Variants in MACF1 observed in about 807,000 individuals in gnomAD.
The protein encoded by MACF1 is microtubule actin crosslinking factor 1.
In MACF1, 193 loss-of-function variants were observed where a neutral mutation model predicts 854.8. The observed-to-expected ratio is 0.23, with a 90% CI of 0.20 to 0.25. The LOEUF is 0.25. MACF1 is among the 10% of genes least tolerant of loss of function. The pLI is 1.00. For missense variants in MACF1, 7,722 were observed against 8,929.1 expected, an observed-to-expected ratio of 0.86 and a Z score of 5.45; for synonymous variants, 3,185 against 3,226.7, an observed-to-expected ratio of 0.99 and a Z score of 0.44.
At chr1:39,462,116 C>G in intron 93 of MACF1, 79 bp downstream of exon 93, 22 of 1,363,456 alleles carry the variant, frequency 1.6e-5, no homozygotes, top group Non-Finnish European at 1.8e-5. Flanking sequence ...GTTCAGTGAT[C>G]ATATTAGCCT....
Position 39,430,698 on chromosome 1 carries a change from T to G in MACF1, c.17131-4T>G. On this transcript the variant is annotated splice_region_variant and splice_polypyrimidine_tract_variant and intron_variant, in intron 65 of 100. Transcript: ENST00000564288. ...ATGGCCTGAAAACTCTTTTCCCTCC[T>G]TAGGAATTAAAGAAGGAGGTCATGG... is the stretch of plus-strand genomic sequence containing the variant. The G allele has an allele frequency of 6.2e-7, 1 of 1,611,162 alleles. No individual in the cohort carries two copies. The highest frequency in any genetic ancestry group is 8.5e-7 in the Non-Finnish European group (1 of 1,179,246).
chr1:39,366,740 G>T (rs966227413), intron 49 of MACF1, among the ~76,000 whole-genome samples: 1 of 150,334 alleles, frequency 6.7e-6, no homozygotes, highest in Non-Finnish European at 1.5e-5. Context: ...TGTTATCCAG[G>T]CTGGAGTGCT....
intron 26 of MACF1, among the ~76,000 whole-genome samples, chr1:39,313,389 C>A (rs1646341797): frequency 6.6e-6 from 1 of 152,110 alleles, no homozygotes; most frequent in African/African-American, 2.4e-5. Flanking sequence ...TTTTAGCATC[C>A]ATTGTTAATT....
intron 84 of MACF1, among the ~76,000 whole-genome samples, 198 bp from the exon 85 acceptor site, chr1:39,450,854 G>A (rs1186356387): frequency 6.6e-6 from 1 of 151,452 alleles, no homozygotes; most frequent in Non-Finnish European, 1.5e-5. Flanking sequence ...CTCGTGATCT[G>A]CCCACCTCGG....
At chr1:39,259,784 G>A (rs1052541308) in intron 6 of MACF1, among the ~76,000 whole-genome samples, 12 of 151,352 alleles carry the variant, frequency 7.9e-5, no homozygotes, top group Non-Finnish European at 2.9e-5. Flanking sequence ...CACTACACCC[G>A]GCTAATTTTG....
At position 39,336,022 on chromosome 1, in the gene MACF1, A is replaced by G. The variant is rs1646804153; in HGVS notation, c.9434A>G (p.Asn3145Ser). 6.2e-7 allele frequency: 1 copy of G among 1,614,078 alleles called. No individual in the cohort carries two copies. Among genetic ancestry groups the G allele is most frequent in the Admixed American group, 1.7e-5 (1 of 60,002 alleles). ...SFQGTTRQET[N>S]YQDSWVTSKT... Reference sequence around the variant, plus strand: ...CAAGGAACCACCAGACAGGAGACCAACTATCAAGATTCCTGGGTTACTTCG... The same window carrying G: ...CAAGGAACCACCAGACAGGAGACCAGCTATCAAGATTCCTGGGTTACTTCG... The change falls in exon 37 of 101, where the codon AAC becomes AGC. Residue 3145 changes from asparagine (N) to serine (S), a missense_variant. By Grantham distance (46) the Asn-to-Ser change is conservative. This residue lies in a region of MACF1 where 854 missense variants were observed against 852.6 expected (regional missense o/e 1.00). Transcript: ENST00000564288.
Position 39,286,252 on chromosome 1 carries a change from G to C in MACF1, c.1508+494G>C, listed in dbSNP as rs369352662. Reference sequence around the variant, plus strand: ...TGATCTCAATCTCCTGGGTTCAAGCGATCCTCCTGCCTCAGCCTCCCAAAG... The same window carrying C: ...TGATCTCAATCTCCTGGGTTCAAGCCATCCTCCTGCCTCAGCCTCCCAAAG... On this transcript the variant is annotated intron_variant, in intron 14 of 100. Transcript: ENST00000564288. Among the ~76,000 whole-genome samples the C allele has an allele frequency of 1.6e-4, 24 of 151,958 alleles. No homozygotes were observed. The East Asian group carries it at 4.1e-3, about 26-fold the overall frequency.
chr1:39,449,289 C>T (rs1239470893), intron 84 of MACF1, among the ~76,000 whole-genome samples: 5 of 152,184 alleles, frequency 3.3e-5, no homozygotes, highest in African/African-American at 1.2e-4. Flanking sequence ...ACCCTGTTGG[C>T]AGAGCTGAGG....
At chr1:39,106,241 A>C (rs1294320492) in intron 2 of MACF1, among the ~76,000 whole-genome samples, 1 of 151,432 alleles carries the variant, frequency 6.6e-6, no homozygotes, top group Non-Finnish European at 1.5e-5. Flanking sequence ...GGTGTGGGTG[A>C]GTGTGCAGTT....
intron 30 of MACF1, among the ~76,000 whole-genome samples, chr1:39,319,234 A>G (rs1033045864): frequency 6.6e-6 from 1 of 152,178 alleles, no homozygotes; most frequent in Admixed American, 6.6e-5. Context: ...GAAGTGATAC[A>G]TGTAAAATAC....
chr1:39,151,007 A>G (rs544858088), intron 2 of MACF1, among the ~76,000 whole-genome samples: 1 of 152,218 alleles, frequency 6.6e-6, no homozygotes, highest in Admixed American at 6.5e-5. Flanking sequence ...CCAAGATTTT[A>G]TCTCTGAGAG....
At chr1:39,312,150 A>G (rs373393732) in intron 26 of MACF1, among the ~76,000 whole-genome samples, 1 of 152,160 alleles carries the variant, frequency 6.6e-6, no homozygotes, top group Non-Finnish European at 1.5e-5. Flanking sequence ...CTTGAACCCA[A>G]GAGTTTGAGG....
chr1:39,344,190 G>A (rs1646994970), intron 40 of MACF1, among the ~76,000 whole-genome samples: 1 of 152,086 alleles, frequency 6.6e-6, no homozygotes, highest in African/African-American at 2.4e-5. Flanking sequence ...ACTTTGGGAG[G>A]CGAAGGCGGG....
At chr1:39,164,118 G>A (rs1020405491) in intron 2 of MACF1, among the ~76,000 whole-genome samples, 1 of 152,010 alleles carries the variant, frequency 6.6e-6, no homozygotes, top group Non-Finnish European at 1.5e-5. Context: ...CAAATGGAAG[G>A]TTCATTTATT....
At chr1:39,321,411 A>G (rs149753216) in intron 31 of MACF1, among the ~76,000 whole-genome samples, 59 of 152,226 alleles carry the variant, frequency 3.9e-4, no homozygotes, top group African/African-American at 1.3e-3. Flanking sequence ...TCTTACTACT[A>G]TTTTTTTATG....
intron 6 of MACF1, among the ~76,000 whole-genome samples, chr1:39,264,672 T>C (rs993370337): frequency 6.9e-6 from 1 of 145,828 alleles, no homozygotes. Context: ...CTTTTTTTTT[T>C]TTTTTTTTTT....
intron 2 of MACF1, among the ~76,000 whole-genome samples, chr1:39,145,298 A>G (rs983998702): frequency 6.6e-6 from 1 of 152,118 alleles, no homozygotes; most frequent in Non-Finnish European, 1.5e-5. Flanking sequence ...TAAACTCTCA[A>G]TAAGTAATTT....
intron 58 of MACF1, chr1:39,410,925 A>C (rs903187789): frequency 1.2e-6 from 2 of 1,613,882 alleles, no homozygotes; most frequent in African/African-American, 2.7e-5. Context: ...AGGACTTTAG[A>C]TTTCAGCAGC....
At chr1:39,206,244 A>G (rs1324313541) in intron 1 of MACF1, among the ~76,000 whole-genome samples, 1 of 152,238 alleles carries the variant, frequency 6.6e-6, no homozygotes, top group Non-Finnish European at 1.5e-5. Flanking sequence ...CAGACATTTT[A>G]GAAGTGTGTT....
Sources: allele counts gnomAD v4.1 joint callset (sites outside exome capture counted in the v4.1 genomes callset), GRCh38; gene constraint gnomAD v4.1.1; regional missense constraint gnomAD v4.1.1; transcripts MANE v1.5; gene names NCBI Gene and HGNC (gene_info 2026-07-23, HGNC 2026-07-21).